Variants in CACNA2D3 observed in about 807,000 individuals in gnomAD.
The protein encoded by CACNA2D3 is voltage-dependent calcium channel subunit alpha-2/delta-3.
A neutral mutation model predicts 160.6 loss-of-function variants in CACNA2D3; 60 were observed. The observed-to-expected ratio is 0.37, with a 90% CI of 0.30 to 0.46. The LOEUF is 0.46. CACNA2D3 is among the 20% of genes least tolerant of loss of function. The pLI is 1.00. For missense variants in CACNA2D3, 1,205 were observed against 1,365.0 expected (o/e 0.88, Z 1.85); for synonymous variants, 558 against 492.9 (o/e 1.13, Z -1.75).
At chr3:54,962,657 G>A (rs968233309) in intron 27 of CACNA2D3, among the ~76,000 whole-genome samples, 1 of 152,188 alleles carries the variant, frequency 6.6e-6, no homozygotes, top group Non-Finnish European at 1.5e-5. Context: ...GTCTTAAAAC[G>A]GGTTTGCAAT....
At chr3:54,714,022 A>G (rs1172870471) in intron 11 of CACNA2D3, among the ~76,000 whole-genome samples, 4 of 152,158 alleles carry the variant, frequency 2.6e-5, no homozygotes, top group African/African-American at 4.8e-5. Context: ...GTGGATTGTG[A>G]CAAGTGAGCA....
At chr3:54,695,974 G>A (rs1700657091) in intron 11 of CACNA2D3, among the ~76,000 whole-genome samples, 1 of 152,076 alleles carries the variant, frequency 6.6e-6, no homozygotes, top group African/African-American at 2.4e-5. Context: ...AAAAGGCCTT[G>A]GTTTTCTTAT....
At chr3:54,872,199 G>A (rs568921061) in intron 18 of CACNA2D3, among the ~76,000 whole-genome samples, 4 of 152,060 alleles carry the variant, frequency 2.6e-5, no homozygotes, top group African/African-American at 4.8e-5. Flanking sequence ...TTTTCCCCAC[G>A]TAGATTCAGC....
intron 2 of CACNA2D3, among the ~76,000 whole-genome samples, chr3:54,306,843 T>A (rs966089345): frequency 6.6e-6 from 1 of 152,228 alleles, no homozygotes; most frequent in Non-Finnish European, 1.5e-5. Flanking sequence ...AGAAGGAAGA[T>A]ATTTAGAGAC....
intron 17 of CACNA2D3, among the ~76,000 whole-genome samples, chr3:54,847,220 G>GA (rs1360672453): frequency 6.6e-6 from 1 of 152,128 alleles, no homozygotes; most frequent in Non-Finnish European, 1.5e-5. Context: ...GCAGTGTGTT[G>GA]AAAAAAGGAC....
intron 11 of CACNA2D3, among the ~76,000 whole-genome samples, chr3:54,726,395 G>A (rs1258337889): frequency 1.3e-5 from 2 of 152,112 alleles, no homozygotes; most frequent in Non-Finnish European, 2.9e-5. Context: ...TTTATTCACA[G>A]AATTGGAAAA....
At chr3:54,802,873 A>G (rs968875950) in intron 13 of CACNA2D3, among the ~76,000 whole-genome samples, 1 of 152,192 alleles carries the variant, frequency 6.6e-6, no homozygotes, top group Admixed American at 6.5e-5. Context: ...TTCCAGAGGA[A>G]CGATCAGACA....
intron 27 of CACNA2D3, among the ~76,000 whole-genome samples, chr3:54,959,548 C>T (rs540859186): frequency 1.3e-5 from 2 of 152,280 alleles, no homozygotes; most frequent in Non-Finnish European, 2.9e-5. Context: ...TGTTTAGAAA[C>T]TTGACCCCCA....
chr3:54,763,748 CATATAT>C lies in CACNA2D3; in HGVS notation c.1247-466_1247-461del, dbSNP rs1372464477. On this transcript the variant is annotated intron_variant, in intron 12 of 37. Coordinates refer to ENST00000474759, the MANE Select transcript of CACNA2D3 (RefSeq NM_018398.3). ...ATACATATATATGTGTATATATGTG[CATATAT>C]ATACACATATATATGTATATATGTA... Among the ~76,000 whole-genome samples the C allele has an allele frequency of 5.1e-5, 3 of 58,602 alleles. 1 individual carries two copies. Among genetic ancestry groups the C allele is most frequent in the Non-Finnish European group, 1.1e-4 (3 of 27,188 alleles). 38.4% of individuals were successfully genotyped at this position (58,602 alleles called of 152,430 possible). A position where few individuals can be genotyped will look rare whatever the true frequency, so the allele number is the denominator to read the frequency against.
chr3:54,457,944 A>G (rs1416397434), intron 4 of CACNA2D3, among the ~76,000 whole-genome samples: 2 of 151,906 alleles, frequency 1.3e-5, no homozygotes, highest in Non-Finnish European at 2.9e-5. Context: ...TCATTTTTCT[A>G]TTCCTTTATT....
chr3:54,464,175 G>T (rs1236321188), intron 4 of CACNA2D3, among the ~76,000 whole-genome samples: 2 of 152,300 alleles, frequency 1.3e-5, no homozygotes, highest in East Asian at 3.9e-4. Flanking sequence ...GTGTCAGTCT[G>T]CCCCTACTGG....
intron 13 of CACNA2D3, among the ~76,000 whole-genome samples, chr3:54,795,431 A>G (rs1189181365): frequency 6.6e-6 from 1 of 152,108 alleles, no homozygotes; most frequent in African/African-American, 2.4e-5. Context: ...TCCCATTTAT[A>G]TAGTAATTTT....
At chr3:54,664,492 C>T (rs896391994) in intron 11 of CACNA2D3, among the ~76,000 whole-genome samples, 4 of 152,250 alleles carry the variant, frequency 2.6e-5, no homozygotes, top group South Asian at 4.1e-4. Context: ...CTCCCCCTTT[C>T]AGCATCATCT....
intron 14 of CACNA2D3, among the ~76,000 whole-genome samples, chr3:54,832,028 C>T (rs933182859): frequency 1.4e-3 from 206 of 149,362 alleles, no homozygotes; most frequent in African/African-American, 3.7e-3. Flanking sequence ...CACACACACA[C>T]ACACACACAC....
chr3:54,690,268 C>A (rs1700548084), intron 11 of CACNA2D3, among the ~76,000 whole-genome samples: 1 of 152,090 alleles, frequency 6.6e-6, no homozygotes, highest in African/African-American at 2.4e-5. Flanking sequence ...TCTAAAACTC[C>A]AAATGCTTCT....
intron 3 of CACNA2D3, among the ~76,000 whole-genome samples, chr3:54,347,049 A>G (rs1338291344): frequency 1.3e-5 from 2 of 152,240 alleles, no homozygotes; most frequent in African/African-American, 4.8e-5. Flanking sequence ...AAATGCGATG[A>G]GGAAAATGAC....
intron 2 of CACNA2D3, among the ~76,000 whole-genome samples, chr3:54,200,577 C>T (rs1207743632): frequency 1.3e-5 from 2 of 152,184 alleles, no homozygotes; most frequent in Non-Finnish European, 2.9e-5. Flanking sequence ...GTATCAGTTC[C>T]ATCTCCAGCT....
intron 2 of CACNA2D3, among the ~76,000 whole-genome samples, chr3:54,306,814 G>A (rs1005273009): frequency 2.0e-5 from 3 of 152,168 alleles, no homozygotes; most frequent in Non-Finnish European, 4.4e-5. Flanking sequence ...ATGTTACTGT[G>A]TGTGTTAATT....
At chr3:54,398,279 A>G (rs1415252053) in intron 4 of CACNA2D3, among the ~76,000 whole-genome samples, 1 of 118,708 alleles carries the variant, frequency 8.4e-6, no homozygotes, top group Non-Finnish European at 1.7e-5. Context: ...CCAACTTCCC[A>G]GTCTGTGTCT....
Sources: gnomAD v4.1 joint callset for allele counts (sites outside exome capture counted in the v4.1 genomes callset) on GRCh38, gnomAD v4.1.1 for gene constraint, MANE v1.5 for transcripts, NCBI Gene and HGNC (gene_info 2026-07-23, HGNC 2026-07-21) for gene names.